Variants in MYH13 observed in about 807,000 individuals in gnomAD.
The protein encoded by MYH13 is myosin heavy chain 13.
MYH13 carries 177 observed loss-of-function variants against 232.1 expected under a neutral mutation model. That is an observed-to-expected ratio of 0.76 (90% CI 0.67 to 0.86). The LOEUF is 0.86. Among genes scored for constraint, MYH13 ranks in the 40% least tolerant of loss-of-function variants. The pLI is 0.00. For synonymous variants in MYH13, 884 were observed against 923.5 expected (o/e 0.96, Z 0.78); for missense variants, 2,246 against 2,405.9 (o/e 0.93, Z 1.39).
chr17:10,344,964 G>T (rs1320979506), intron 15 of MYH13, among the ~76,000 whole-genome samples: 2 of 152,146 alleles, frequency 1.3e-5, no homozygotes, highest in Non-Finnish European at 2.9e-5. Flanking sequence ...CCTTACTGGG[G>T]TTCCATCACA....
intron 35 of MYH13, among the ~76,000 whole-genome samples, chr17:10,307,378 G>A (rs1406988862): frequency 6.6e-6 from 1 of 152,142 alleles, no homozygotes; most frequent in Non-Finnish European, 1.5e-5. Context: ...CATACTATAT[G>A]AAATGAAAAA....
chr17:10,332,261 C>T (rs778719084), intron 19 of MYH13, 39 bp from the exon 20 acceptor site: 2 of 1,609,898 alleles, frequency 1.2e-6, no homozygotes, highest in Admixed American at 3.3e-5. Flanking sequence ...ATTCCAATCC[C>T]CGAAAGGCTT....
chr17:10,369,083 A>C (rs923711675), intron 2 of MYH13, among the ~76,000 whole-genome samples: 8 of 152,190 alleles, frequency 5.3e-5, no homozygotes, highest in Admixed American at 5.2e-4. Context: ...ATATTTCTTA[A>C]TTTAATATTT....
intron 21 of MYH13, among the ~76,000 whole-genome samples, chr17:10,328,539 C>T (rs748213960): frequency 2.4e-4 from 37 of 152,202 alleles, no homozygotes; most frequent in Non-Finnish European, 5.0e-4. Context: ...ATTCCATCCA[C>T]ATTTTCCCTG....
intron 3 of MYH13, among the ~76,000 whole-genome samples, chr17:10,363,141 C>T (rs1020754232): frequency 1.5e-4 from 23 of 151,612 alleles, no homozygotes; most frequent in African/African-American, 5.3e-4. Flanking sequence ...CACCTCTCTC[C>T]CCCATTCAAG....
At chr17:10,348,681 C>A (rs1328008026) in intron 12 of MYH13, among the ~76,000 whole-genome samples, 1 of 152,058 alleles carries the variant, frequency 6.6e-6, no homozygotes, top group Admixed American at 6.5e-5. Flanking sequence ...GCTGAGGAGC[C>A]TGATACTCTT....
intron 22 of MYH13, among the ~76,000 whole-genome samples, chr17:10,325,658 C>T (rs892670438): frequency 6.6e-6 from 1 of 152,184 alleles, no homozygotes; most frequent in Non-Finnish European, 1.5e-5. Context: ...TATATCTTCC[C>T]ATATAAGAAT....
intron 18 of MYH13, among the ~76,000 whole-genome samples, chr17:10,334,750 G>T (rs1907532466): frequency 6.6e-6 from 1 of 152,034 alleles, no homozygotes; most frequent in African/African-American, 2.4e-5. Flanking sequence ...GTGGTGGCAG[G>T]TGCCTGTAGT....
chr17:10,328,270 G>A (rs1177234861), intron 21 of MYH13, 149 bp from the exon 22 acceptor site: 2 of 865,942 alleles, frequency 2.3e-6, no homozygotes, highest in Non-Finnish European at 3.5e-6. Context: ...TGGATCCAGA[G>A]TAGGTCTGCA....
Position 10,313,254 on chromosome 17 carries a change from T to C in MYH13, c.4085A>G (p.Gln1362Arg). The change falls in exon 30 of 41, where the codon CAG (glutamine) becomes CGG (arginine). Residue 1362 changes from glutamine to arginine, a missense_variant. Physicochemically the swap from Gln to Arg is conservative, Grantham distance 43. Transcript: ENST00000252172. ...ACTGTTGGCCTTGGACAGCGCCCTC[T>C]GCAGCTCGGCCTTGGCTTCCTGCTC... Reference protein sequence around the residue: ...EEEQEAKAELQRALSKANSEV... With the variant: ...EEEQEAKAELRRALSKANSEV... 1 of 1,614,234 alleles carries C rather than the reference T, an allele frequency of 6.2e-7. No individual in the cohort carries two copies. The highest frequency in any genetic ancestry group is 2.2e-5 in the East Asian group (1 of 44,870).
At position 10,345,420 on chromosome 17, in the gene MYH13, T is replaced by C. The variant is rs375824569; in HGVS notation, c.1413+47A>G. The C allele has an allele frequency of 2.1e-5, 34 of 1,614,040 alleles. No homozygotes were observed. In the Middle Eastern group the frequency reaches 8.2e-4, roughly 39 times the overall value. ...AATTTGAGTGAGCTTGGAAAATACA[T>C]TGGAGATTCAGCAAAGCAGACAAGA... On this transcript the variant is annotated intron_variant, in intron 14 of 40. Coordinates refer to ENST00000252172, the MANE Select transcript of MYH13 (RefSeq NM_003802.3).
intron 29 of MYH13, among the ~76,000 whole-genome samples, chr17:10,313,648 C>T (rs1906600852): frequency 6.6e-6 from 1 of 152,186 alleles, no homozygotes; most frequent in Non-Finnish European, 1.5e-5. Flanking sequence ...GCAATGTTAT[C>T]ATGTCTAGCT....
chr17:10,305,508 C>T (rs563407575), intron 37 of MYH13, among the ~76,000 whole-genome samples: 2 of 152,268 alleles, frequency 1.3e-5, no homozygotes, highest in South Asian at 2.1e-4. Context: ...AGGATATCCT[C>T]GGGTGGTTTG....
At chr17:10,368,440 A>G (rs2071854069) in intron 2 of MYH13, among the ~76,000 whole-genome samples, 1 of 152,230 alleles carries the variant, frequency 6.6e-6, no homozygotes, top group Admixed American at 6.5e-5. Context: ...TGGCCAGTTC[A>G]GCTTGCAACT....
At chr17:10,305,800 G>C (rs1417466617) in intron 37 of MYH13, among the ~76,000 whole-genome samples, 1 of 152,188 alleles carries the variant, frequency 6.6e-6, no homozygotes, top group African/African-American at 2.4e-5. Context: ...ATAACTGCAG[G>C]ATACGCTCCC....
In MYH13 at chr17:10,354,972, ACT is replaced by A. The variant is rs776683381; in HGVS notation, c.822_823del (p.Arg274SerfsTer8). 2 of 1,610,158 alleles carry A rather than the reference ACT, an allele frequency of 1.2e-6. No individual in the cohort carries two copies. The highest frequency in any genetic ancestry group is 2.7e-5 in the African/African-American group (2 of 74,906). The stretch of plus-strand genomic sequence containing the variant: ...TCTCTCACTGGATAATTGAAACGTC[ACT>A]CTGGATTTTTCTAACAGATCTAAGG... On this transcript the variant is annotated frameshift_variant, in exon 10 of 41. Coordinates refer to ENST00000252172, the MANE Select transcript of MYH13 (RefSeq NM_003802.3). LOFTEE classifies it high-confidence loss of function.
rs765822763 is a variant in MYH13, at chr17:10,344,039, T to C, written c.1655A>G (p.Asn552Ser). The change falls in exon 16 of 41, where the codon AAC becomes AGC. Residue 552 changes from asparagine (N) to serine (S), a missense_variant. Transcript: ENST00000252172. ...FPKATDTSFK[N>S]KLYDQHLGKS... is the part of the protein sequence containing the mutation. The stretch of plus-strand genomic sequence containing the variant: ...TCCAAGATGCTGGTCATACAGCTTG[T>C]TCTTGAAGGAGGTGTCTGTTGCCTT... 1 of 1,614,216 alleles carries C rather than the reference T, an allele frequency of 6.2e-7. No individual in the cohort carries two copies. The highest frequency in any genetic ancestry group is 8.5e-7 in the Non-Finnish European group (1 of 1,180,048).
chr17:10,370,420 T>G (rs1344910650), intron 2 of MYH13, among the ~76,000 whole-genome samples: 2 of 152,204 alleles, frequency 1.3e-5, no homozygotes, highest in Non-Finnish European at 2.9e-5. Flanking sequence ...CTCTAGAGTT[T>G]CCTTAATTAG....
At chr17:10,334,281 C>T (rs756861623) in intron 18 of MYH13, among the ~76,000 whole-genome samples, 1 of 152,078 alleles carries the variant, frequency 6.6e-6, no homozygotes, top group African/African-American at 2.4e-5. Context: ...AGAATGCCCA[C>T]GTGGTTCCCT....
Sources: allele counts gnomAD v4.1 joint callset (sites outside exome capture counted in the v4.1 genomes callset), GRCh38; gene constraint gnomAD v4.1.1; transcripts MANE v1.5; gene names NCBI Gene and HGNC (gene_info 2026-07-23, HGNC 2026-07-21).